Variants in BBS9 observed in about 807,000 individuals in gnomAD.
BBS9 encodes the protein Bardet-Biedl syndrome 9, also known as protein PTHB1.
Under a neutral mutation model 117.7 loss-of-function variants are expected in BBS9, and 89 were observed. The observed-to-expected ratio is 0.76, with a 90% CI of 0.64 to 0.90. The LOEUF is 0.90. BBS9 is among the 40% of genes least tolerant of loss of function. BBS9 has a pLI of 0.00. For missense variants in BBS9, 982 were observed against 1,042.2 expected (o/e 0.94, Z 0.80); for synonymous variants, 379 against 370.9 (o/e 1.02, Z -0.25).
intron 19 of BBS9, among the ~76,000 whole-genome samples, chr7:33,394,814 A>G (rs911230647): frequency 1.3e-5 from 2 of 152,170 alleles, no homozygotes; most frequent in Admixed American, 6.5e-5. Flanking sequence ...GTGTCTGCTG[A>G]GTTTGAAGTA....
intron 19 of BBS9, among the ~76,000 whole-genome samples, chr7:33,430,666 C>T (rs1488331243): frequency 5.3e-5 from 8 of 152,198 alleles, no homozygotes; most frequent in Admixed American, 2.0e-4. Context: ...CTATCAATCT[C>T]ATGTGGATTT....
chr7:33,473,611 T>A (rs1841399065), intron 19 of BBS9, among the ~76,000 whole-genome samples: 1 of 152,176 alleles, frequency 6.6e-6, no homozygotes, highest in South Asian at 2.1e-4. Context: ...AGGCTTGAGC[T>A]ACCACGCTCA....
chr7:33,273,608 A>G (rs1215704440), intron 8 of BBS9, among the ~76,000 whole-genome samples: 1 of 152,188 alleles, frequency 6.6e-6, no homozygotes, highest in Admixed American at 6.5e-5. Context: ...TGAAATGCAA[A>G]AATGTTGGTG....
chr7:33,319,573 A>T lies in BBS9; in HGVS notation c.1017-16868A>T, dbSNP rs1385503906. Among the ~76,000 whole-genome samples, 7 of 152,052 alleles carry T rather than the reference A, an allele frequency of 4.6e-5. No individual in the cohort carries two copies. In the South Asian group the frequency reaches 8.3e-4, roughly 18 times the overall value. On this transcript the variant is annotated intron_variant, in intron 9 of 22. Transcript: ENST00000242067. ...CCAACATCTATTTTTTTTTATTATG[A>T]CCATTTTTTTGCAGGAGTAAGGTGG...
chr7:33,526,106 G>T (rs915897690), intron 20 of BBS9, among the ~76,000 whole-genome samples: 4 of 151,242 alleles, frequency 2.6e-5, no homozygotes, highest in Non-Finnish European at 4.4e-5. Context: ...TAGGGTTTCT[G>T]CTGAGAGATC....
chr7:33,303,516 A>AACC (rs1373664820), intron 9 of BBS9, among the ~76,000 whole-genome samples: 1 of 71,806 alleles, frequency 1.4e-5, no homozygotes, highest in Non-Finnish European at 2.8e-5. Context: ...AACTGAAATG[A>AACC]TCCCCTCCCC....
chr7:33,490,325 C>A (rs1843721503), intron 19 of BBS9, among the ~76,000 whole-genome samples: 1 of 151,460 alleles, frequency 6.6e-6, no homozygotes, highest in Non-Finnish European at 1.5e-5. Flanking sequence ...AATCTTTTTT[C>A]TTTTTCTTTT....
At chr7:33,339,649 T>C (rs916313748) in intron 10 of BBS9, among the ~76,000 whole-genome samples, 2 of 152,170 alleles carry the variant, frequency 1.3e-5, no homozygotes, top group African/African-American at 4.8e-5. Context: ...TGTGCAGATA[T>C]GATTTCCAGG....
intron 9 of BBS9, among the ~76,000 whole-genome samples, chr7:33,315,159 C>T (rs932667049): frequency 6.6e-6 from 1 of 152,142 alleles, no homozygotes; most frequent in Non-Finnish European, 1.5e-5. Flanking sequence ...TATTCTCTCA[C>T]GGTTCTGGAG....
intron 19 of BBS9, among the ~76,000 whole-genome samples, chr7:33,438,189 TC>T (rs1407860831): frequency 6.6e-6 from 1 of 152,074 alleles, no homozygotes; most frequent in Non-Finnish European, 1.5e-5. Context: ...CAAAAATAAA[TC>T]TCAAGTAAAT....
chr7:33,183,214 G>T (rs1368698995), intron 5 of BBS9, among the ~76,000 whole-genome samples: 1 of 152,022 alleles, frequency 6.6e-6, no homozygotes, highest in Non-Finnish European at 1.5e-5. Flanking sequence ...CCCCAAAATG[G>T]AGTCTGCAGC....
At chr7:33,227,671 A>G (rs1451934456) in intron 5 of BBS9, among the ~76,000 whole-genome samples, 1 of 151,992 alleles carries the variant, frequency 6.6e-6, no homozygotes. Context: ...TTGCATCCTC[A>G]TAACTTAGCT....
At chr7:33,575,450 T>C (rs1858636646) in intron 21 of BBS9, among the ~76,000 whole-genome samples, 2 of 152,204 alleles carry the variant, frequency 1.3e-5, no homozygotes, top group South Asian at 4.1e-4. Context: ...CAGGACCAGA[T>C]GGATTCACGG....
chr7:33,274,766 G>C (rs1010702483), intron 9 of BBS9, among the ~76,000 whole-genome samples: 3 of 152,086 alleles, frequency 2.0e-5, no homozygotes, highest in African/African-American at 7.2e-5. Context: ...AGGCCGAGGT[G>C]GTTGGATCAT....
In BBS9 at chr7:33,623,281, G is replaced by GA. The variant is rs545845233; in HGVS notation, c.2522-11886dup. ...ATAAACAATTAATATGCTAAAATTG[G>GA]AAAAAAAAAACCTAATCTCATTAGT... is the stretch of plus-strand genomic sequence containing the variant. On this transcript the variant is annotated intron_variant, in intron 21 of 21. Coordinates refer to the BBS9 transcript ENST00000671952. 6.7e-3 allele frequency among the ~76,000 whole-genome samples: 980 copies of GA among 145,748 alleles called. 10 individuals carry two copies. The highest frequency in any genetic ancestry group is 0.033 in the South Asian group (154 of 4,604).
intron 21 of BBS9, among the ~76,000 whole-genome samples, chr7:33,568,681 C>A (rs772904086): frequency 4.6e-5 from 7 of 152,142 alleles, no homozygotes; most frequent in Non-Finnish European, 1.5e-5. Context: ...AATTTCTCTT[C>A]TAACTTCTAT....
At chr7:33,427,794 T>C (rs1833860379) in intron 19 of BBS9, among the ~76,000 whole-genome samples, 1 of 152,210 alleles carries the variant, frequency 6.6e-6, no homozygotes, top group Admixed American at 6.5e-5. Context: ...TTCATTGCTA[T>C]CATTTATGGA....
At chr7:33,241,051 G>A (rs1794434374) in intron 5 of BBS9, among the ~76,000 whole-genome samples, 1 of 152,134 alleles carries the variant, frequency 6.6e-6, no homozygotes, top group Non-Finnish European at 1.5e-5. Flanking sequence ...TAATAAGGGT[G>A]TATCTTAGGG....
intron 19 of BBS9, 145 bp downstream of exon 19, chr7:33,388,289 A>C: frequency 2.0e-6 from 2 of 1,016,394 alleles, no homozygotes; most frequent in Non-Finnish European, 2.9e-6. Flanking sequence ...TTAGAGTCAG[A>C]AAAACCTAGG....
Sources: gnomAD v4.1 joint callset for allele counts (sites outside exome capture counted in the v4.1 genomes callset) on GRCh38, gnomAD v4.1.1 for gene constraint, MANE v1.5 for transcripts, NCBI Gene and HGNC (gene_info 2026-07-23, HGNC 2026-07-21) for gene names.